Variants in MAP2K1 observed in about 807,000 individuals in gnomAD.
MAP2K1 encodes mitogen-activated protein kinase kinase 1.
MAP2K1 carries 16 observed loss-of-function variants against 46.3 expected under a neutral mutation model. That is an observed-to-expected ratio of 0.35 (90% CI 0.23 to 0.52). The LOEUF (loss-of-function observed/expected upper bound fraction) is 0.52, where lower values mean the gene tolerates loss of function less well. MAP2K1 is among the 20% of genes least tolerant of loss of function. The pLI is 0.94. For missense variants in MAP2K1, 263 were observed against 497.1 expected (o/e 0.53, Z 4.48); for synonymous variants, 183 against 185.6 (o/e 0.99, Z 0.11).
Position 66,472,596 on chromosome 15 carries a change from CTCATTGTGTCAG to C in MAP2K1, c.569-9156_569-9145del, listed in dbSNP as rs372962306. Among the ~76,000 whole-genome samples the C allele has an allele frequency of 2.1e-3, 318 of 152,318 alleles. 1 individual carries two copies. Among genetic ancestry groups the C allele is most frequent in the African/African-American group, 7.2e-3 (300 of 41,562 alleles). ...CTGCCCTGTAGCCAGGGACAAGGTT[CTCATTGTGTCAG>C]TCTCCACCTTAAGCTGCATTTGCCC... On this transcript the variant is annotated intron_variant, in intron 5 of 10. Transcript: ENST00000307102.
At chr15:66,475,873 A>G (rs1229334710) in intron 5 of MAP2K1, among the ~76,000 whole-genome samples, 1 of 152,184 alleles carries the variant, frequency 6.6e-6, no homozygotes, top group Non-Finnish European at 1.5e-5. Context: ...CTCAGTGCAG[A>G]TACTCTGTGT....
At chr15:66,463,334 C>T (rs1319628481) in intron 5 of MAP2K1, among the ~76,000 whole-genome samples, 1 of 152,202 alleles carries the variant, frequency 6.6e-6, no homozygotes, top group Non-Finnish European at 1.5e-5. Flanking sequence ...TATAGATCCT[C>T]CTGGCACTGA....
At chr15:66,429,490 G>C (rs555670773) in intron 1 of MAP2K1, among the ~76,000 whole-genome samples, 19 of 152,200 alleles carry the variant, frequency 1.2e-4, no homozygotes, top group African/African-American at 4.3e-4. Flanking sequence ...TACTCTTTTC[G>C]TGCCTGGCTT....
At chr15:66,434,179 T>C (rs1347068) in intron 1 of MAP2K1, among the ~76,000 whole-genome samples, 137,417 of 152,236 alleles carry the variant, frequency 0.9, 63,672 homozygotes, top group East Asian at 1. Flanking sequence ...TGGAAAGACT[T>C]ATAAGTCCAA....
chr15:66,415,142 G>A lies in MAP2K1; in HGVS notation c.81-19885G>A, dbSNP rs2093421690. On this transcript the variant is annotated intron_variant, in intron 1 of 10. Coordinates refer to ENST00000307102, the MANE Select transcript of MAP2K1 (RefSeq NM_002755.4). Reference sequence around the variant, plus strand: ...TCCTGCATCAAGCTCCAGCTTGGCAGCTCCCCTAGTTTGACCTCCAGAAGT... The same window carrying A: ...TCCTGCATCAAGCTCCAGCTTGGCAACTCCCCTAGTTTGACCTCCAGAAGT... The A allele has an allele frequency of 1.7e-5, 9 of 525,250 alleles. No homozygotes were observed. In the Admixed American group the frequency reaches 1.7e-4, roughly 10 times the overall value. The allele number at this position is 525,250 out of a possible 1,614,324, so 32.5% of individuals were successfully genotyped here.
chr15:66,486,794 G>A (rs937617814), intron 7 of MAP2K1, among the ~76,000 whole-genome samples: 1 of 152,222 alleles, frequency 6.6e-6, no homozygotes, highest in African/African-American at 2.4e-5. Context: ...GCAGGTCATT[G>A]GAGGGGCTGG....
chr15:66,489,960 A>G, intron 10 of MAP2K1, 197 bp downstream of exon 10: 1 of 650,526 alleles, frequency 1.5e-6, no homozygotes, highest in Non-Finnish European at 2.8e-6. Flanking sequence ...TGACCCCCGC[A>G]GCCTGAGTAA....
rs1226036382 is a variant in MAP2K1 at position 66,436,838 on chromosome 15, C to T, written c.384C>T (p.Gly128=). The T allele has an allele frequency of 1.2e-6, 2 of 1,614,162 alleles. No individual in the cohort carries two copies. The highest frequency in any genetic ancestry group is 2.2e-5 in the South Asian group (2 of 91,090). Residue 128 remains glycine (G), a synonymous_variant, in exon 3 of 11, where the codon GGC becomes GGT. Transcript: ENST00000307102. ...LHECNSPYIV[G]FYGAFYSDGE... is the part of the protein sequence containing the mutation. ...AGTGCAACTCTCCGTACATCGTGGG[C>T]TTCTATGGTGCGTTCTACAGCGATG...
intron 3 of MAP2K1, among the ~76,000 whole-genome samples, chr15:66,440,394 GGGAAT>G (rs2093500580): frequency 6.6e-6 from 1 of 152,150 alleles, no homozygotes; most frequent in South Asian, 2.1e-4. Context: ...GCCTGGCCCT[GGGAAT>G]GTGTTTTAAA....
At chr15:66,469,723 C>CACACACACACACATAT (rs143830560) in intron 5 of MAP2K1, among the ~76,000 whole-genome samples, 16 of 134,548 alleles carry the variant, frequency 1.2e-4, no homozygotes, top group East Asian at 1.0e-3. Flanking sequence ...CACACACACA[C>CACACACACACACATAT]ATATCGGATG....
At chr15:66,459,835 G>C (rs1892272464) in intron 5 of MAP2K1, among the ~76,000 whole-genome samples, 1 of 150,858 alleles carries the variant, frequency 6.6e-6, no homozygotes, top group African/African-American at 2.5e-5. Context: ...TTTATAAGCT[G>C]TTTGTAGCAG....
chr15:66,429,495 T>C (rs1306569765), intron 1 of MAP2K1, among the ~76,000 whole-genome samples: 2 of 152,202 alleles, frequency 1.3e-5, no homozygotes, highest in Non-Finnish European at 2.9e-5. Flanking sequence ...TTTTCGTGCC[T>C]GGCTTCTTTC....
chr15:66,391,725 T>C (rs1230745122), intron 1 of MAP2K1, among the ~76,000 whole-genome samples: 1 of 152,186 alleles, frequency 6.6e-6, no homozygotes, highest in Non-Finnish European at 1.5e-5. Context: ...CTTTTCCTTT[T>C]CTTTTCCCCT....
chr15:66,404,306 C>G (rs762553245), intron 1 of MAP2K1, among the ~76,000 whole-genome samples: 7 of 152,056 alleles, frequency 4.6e-5, no homozygotes, highest in African/African-American at 1.7e-4. Context: ...GAGCGGAGAT[C>G]GCGCCACTGC....
At chr15:66,459,431 A>G (rs1489454791) in intron 5 of MAP2K1, among the ~76,000 whole-genome samples, 1 of 152,046 alleles carries the variant, frequency 6.6e-6, no homozygotes, top group Non-Finnish European at 1.5e-5. Flanking sequence ...AGCTTGACCA[A>G]CATGGTGAAA....
intron 3 of MAP2K1, among the ~76,000 whole-genome samples, chr15:66,439,013 C>T (rs2093496481): frequency 6.6e-6 from 1 of 152,224 alleles, no homozygotes; most frequent in African/African-American, 2.4e-5. Context: ...GCAGCTGTGG[C>T]CTGAAGACCA....
Position 66,436,865 on chromosome 15 carries a change from C to A in MAP2K1, c.411C>A (p.Gly137=), listed in dbSNP as rs146415623. 1.2e-6 allele frequency: 2 copies of A among 1,614,124 alleles called. No individual in the cohort carries two copies. Among genetic ancestry groups the A allele is most frequent in the Non-Finnish European group, 1.7e-6 (2 of 1,180,000 alleles). ...TCTATGGTGCGTTCTACAGCGATGG[C>A]GAGATCAGTATCTGCATGGAGCACA... is the stretch of plus-strand genomic sequence containing the variant. The part of the protein sequence containing the change: ...VGFYGAFYSD[G]EISICMEHMD... Residue 137 remains glycine, a synonymous_variant, in exon 3 of 11, where the codon GGC becomes GGA. Coordinates refer to ENST00000307102, the MANE Select transcript of MAP2K1 (RefSeq NM_002755.4).
At chr15:66,394,275 C>T (rs181537686) in intron 1 of MAP2K1, among the ~76,000 whole-genome samples, 2 of 152,254 alleles carry the variant, frequency 1.3e-5, no homozygotes, top group East Asian at 1.9e-4. Context: ...CCCTGAAACA[C>T]TCAGACTTAC....
At chr15:66,426,372 A>AC (rs973379439) in intron 1 of MAP2K1, among the ~76,000 whole-genome samples, 2 of 151,636 alleles carry the variant, frequency 1.3e-5, no homozygotes, top group African/African-American at 4.8e-5. Flanking sequence ...AAAAAAAAAA[A>AC]AACCTTTATA....
Sources: gnomAD v4.1 joint callset for allele counts (sites outside exome capture counted in the v4.1 genomes callset) on GRCh38, gnomAD v4.1.1 for gene constraint, MANE v1.5 for transcripts, NCBI Gene and HGNC (gene_info 2026-07-23, HGNC 2026-07-21) for gene names.